Variants in CDH11 observed in about 807,000 individuals in gnomAD.
The protein encoded by CDH11 is cadherin 11.
CDH11 carries 11 observed loss-of-function variants against 67.8 expected under a neutral mutation model. That is an observed-to-expected ratio of 0.16 (90% CI 0.10 to 0.27). The LOEUF (loss-of-function observed/expected upper bound fraction) is 0.27. Ranked by LOEUF, CDH11 falls within the 10% of genes least tolerant of loss-of-function variation. CDH11 has a pLI of 1.00. For synonymous variants in CDH11, 419 were observed against 400.0 expected (o/e 1.05, Z -0.57); for missense variants, 847 against 1,031.2 (o/e 0.82, Z 2.45).
At chr16:64,989,484 G>A (rs1042667675) in intron 6 of CDH11, among the ~76,000 whole-genome samples, 3 of 152,258 alleles carry the variant, frequency 2.0e-5, no homozygotes, top group Non-Finnish European at 4.4e-5. Flanking sequence ...GGAAGACAAT[G>A]ACGTGCATAT....
intron 1 of CDH11, among the ~76,000 whole-genome samples, chr16:65,092,400 A>G (rs1449041184): frequency 6.6e-6 from 1 of 152,200 alleles, no homozygotes; most frequent in African/African-American, 2.4e-5. Context: ...GAAGACAGAA[A>G]GATGACCTCA....
intron 1 of CDH11, among the ~76,000 whole-genome samples, chr16:65,071,354 A>T (rs1358683185): frequency 6.6e-6 from 1 of 152,098 alleles, no homozygotes. Context: ...GTGCATACAC[A>T]CATGCATGTA....
chr16:65,083,065 A>C (rs2074638096), intron 1 of CDH11, among the ~76,000 whole-genome samples: 2 of 152,226 alleles, frequency 1.3e-5, no homozygotes, highest in African/African-American at 4.8e-5. Flanking sequence ...TCCCATGAAC[A>C]CTGTTTCCAA....
chr16:65,100,309 C>T (rs1597194486), intron 1 of CDH11, among the ~76,000 whole-genome samples: 1 of 151,340 alleles, frequency 6.6e-6, no homozygotes, highest in East Asian at 1.9e-4. Context: ...TCATCTGAGG[C>T]AACAAATGTA....
At chr16:64,990,294 T>C (rs780051220) in intron 6 of CDH11, among the ~76,000 whole-genome samples, 16 of 152,172 alleles carry the variant, frequency 1.1e-4, no homozygotes, top group Non-Finnish European at 2.4e-4. Flanking sequence ...CTCAGGCTTA[T>C]TGAGGATGCT....
chr16:65,097,691 G>A (rs1444000316), intron 1 of CDH11, among the ~76,000 whole-genome samples: 1 of 152,138 alleles, frequency 6.6e-6, no homozygotes, highest in Admixed American at 6.5e-5. Flanking sequence ...GAAGAGCACA[G>A]CTCTATGAAT....
At chr16:65,060,653 C>T (rs1445636383) in intron 1 of CDH11, among the ~76,000 whole-genome samples, 1 of 152,154 alleles carries the variant, frequency 6.6e-6, no homozygotes, top group African/African-American at 2.4e-5. Context: ...ATAACTTTAA[C>T]CTCTTCTTCT....
chr16:64,986,199 C>T (rs1428520822), intron 7 of CDH11: 1 of 151,354 alleles, frequency 6.6e-6, no homozygotes, highest in East Asian at 1.9e-4. Context: ...TTTTTTTTCC[C>T]CCGGTGGACA....
At chr16:64,977,121 C>T (rs911267504) in intron 8 of CDH11, among the ~76,000 whole-genome samples, 3 of 152,030 alleles carry the variant, frequency 2.0e-5, no homozygotes, top group African/African-American at 7.2e-5. Flanking sequence ...TTCACCTGAG[C>T]GCAGGGAGCT....
intron 1 of CDH11, among the ~76,000 whole-genome samples, chr16:65,118,302 T>A (rs1026185329): frequency 1.3e-5 from 2 of 152,162 alleles, no homozygotes; most frequent in African/African-American, 4.8e-5. Context: ...TCCTTCCTGC[T>A]CATAGGGGAG....
chr16:65,115,990 A>G (rs1431765084), intron 1 of CDH11, among the ~76,000 whole-genome samples: 1 of 152,016 alleles, frequency 6.6e-6, no homozygotes, highest in African/African-American at 2.4e-5. Context: ...CAAAAGACAA[A>G]ATTTTCAATC....
chr16:65,021,761 A>C (rs1418078258), intron 2 of CDH11, among the ~76,000 whole-genome samples: 1 of 151,482 alleles, frequency 6.6e-6, no homozygotes, highest in Non-Finnish European at 1.5e-5. Flanking sequence ...TATTTTCCCA[A>C]GTAAAACCAA....
chr16:65,113,332 T>A (rs1247794922), intron 1 of CDH11, among the ~76,000 whole-genome samples: 12 of 151,568 alleles, frequency 7.9e-5, no homozygotes, highest in African/African-American at 2.9e-4. Context: ...TGAAAAGAGA[T>A]TGGGTTAAGA....
At chr16:65,047,376 G>C (rs1363640196) in intron 2 of CDH11, among the ~76,000 whole-genome samples, 1 of 151,064 alleles carries the variant, frequency 6.6e-6, no homozygotes, top group African/African-American at 2.4e-5. Context: ...TTTTTAGATG[G>C]AGTCTTGCTC....
chr16:65,075,052 G>A (rs1320294420), intron 1 of CDH11, among the ~76,000 whole-genome samples: 1 of 152,106 alleles, frequency 6.6e-6, no homozygotes, highest in African/African-American at 2.4e-5. Flanking sequence ...AGTACACCCT[G>A]GCAAACATAA....
Position 64,947,713 on chromosome 16 carries a change from C to T in CDH11, c.2281G>A (p.Ala761Thr). The T allele has an allele frequency of 6.2e-7, 1 of 1,614,056 alleles. No individual in the cohort carries two copies. The highest frequency in any genetic ancestry group is 8.5e-7 in the Non-Finnish European group (1 of 1,179,950). ...TAGTCCAAGTCTGAATCTGTGGTGG[C>T]CGACTCTAGGGAGCTCAGGGACCCG... is the stretch of plus-strand genomic sequence containing the variant. Reference protein sequence around the residue: ...VAGSLSSLESATTDSDLDYDY... With the variant: ...VAGSLSSLESTTTDSDLDYDY... Residue 761 changes from alanine to threonine, a missense_variant, in exon 13 of 13, where the codon GCC becomes ACC. This residue lies in a region of CDH11 where 612 missense variants were observed against 678.7 expected (regional missense o/e 0.90). Transcript: ENST00000268603.
At chr16:65,001,470 G>A (rs2072918145) in intron 3 of CDH11, among the ~76,000 whole-genome samples, 1 of 152,086 alleles carries the variant, frequency 6.6e-6, no homozygotes, top group African/African-American at 2.4e-5. Flanking sequence ...TGCACACCTG[G>A]CAGAAGTTAA....
chr16:64,959,220 G>A (rs2071605151), intron 11 of CDH11, among the ~76,000 whole-genome samples: 1 of 152,196 alleles, frequency 6.6e-6, no homozygotes, highest in South Asian at 2.1e-4. Flanking sequence ...CTGTGTGCAT[G>A]TGAAATTCAA....
At chr16:64,964,959 C>T (rs545299458) in intron 11 of CDH11, among the ~76,000 whole-genome samples, 7 of 152,160 alleles carry the variant, frequency 4.6e-5, no homozygotes, top group Admixed American at 1.3e-4. Context: ...AGGTTTGTTA[C>T]ATATGTATAC....
Sources: gnomAD v4.1 joint callset for allele counts (sites outside exome capture counted in the v4.1 genomes callset) on GRCh38, gnomAD v4.1.1 for gene constraint, gnomAD v4.1.1 regional missense constraint, MANE v1.5 for transcripts, NCBI Gene and HGNC (gene_info 2026-07-23, HGNC 2026-07-21) for gene names.